Variants in SAMMSON observed in about 807,000 individuals in gnomAD.
SAMMSON encodes survival associated mitochondrial melanoma specific oncogenic non-coding RNA, also known as long intergenic non-protein coding RNA 1212.
chr3:70,228,572 A>G (rs913909493), intron 4 of SAMMSON, among the ~76,000 whole-genome samples: 11 of 151,642 alleles, frequency 7.3e-5, no homozygotes, highest in Non-Finnish European at 1.5e-4. Context: ...TAAGTAAATG[A>G]AAGGAAAATA....
chr3:70,126,195 T>G, intron 4 of SAMMSON: 6 of 1,110,668 alleles, frequency 5.4e-6, no homozygotes, highest in Non-Finnish European at 7.9e-6. Context: ...TAATTACATT[T>G]TCTACTGTTA....
intron 6 of SAMMSON, among the ~76,000 whole-genome samples, chr3:70,290,738 C>T (rs567865896): frequency 2.3e-4 from 35 of 152,274 alleles, no homozygotes; most frequent in Admixed American, 5.9e-4. Flanking sequence ...ACCCTCCGAG[C>T]CAGGTGCAGG....
intron 6 of SAMMSON, among the ~76,000 whole-genome samples, chr3:70,250,568 G>C (rs1701755462): frequency 6.6e-6 from 1 of 151,992 alleles, no homozygotes; most frequent in Non-Finnish European, 1.5e-5. Context: ...AAACTATTCG[G>C]GTGGAAAAAT....
intron 4 of SAMMSON, chr3:70,075,296 A>G (rs1021042488): frequency 6.6e-6 from 1 of 152,138 alleles, no homozygotes; most frequent in East Asian, 1.9e-4. Flanking sequence ...GTTTCTTAAA[A>G]TAGCAATGTT....
At chr3:70,147,826 T>G (rs966098865) in intron 4 of SAMMSON, among the ~76,000 whole-genome samples, 1 of 152,078 alleles carries the variant, frequency 6.6e-6, no homozygotes, top group Non-Finnish European at 1.5e-5. Context: ...TAAAATCTTA[T>G]GCTCTGCAAA....
chr3:70,037,651 C>G (rs2067091341), intron 3 of SAMMSON, among the ~76,000 whole-genome samples: 1 of 152,180 alleles, frequency 6.6e-6, no homozygotes, highest in African/African-American at 2.4e-5. Flanking sequence ...AACTTGAGTT[C>G]TGTTTCTGTC....
intron 9 of SAMMSON, among the ~76,000 whole-genome samples, chr3:70,361,041 A>G (rs1361867144): frequency 6.6e-6 from 1 of 152,130 alleles, no homozygotes; most frequent in African/African-American, 2.4e-5. Flanking sequence ...TCCCTGTATT[A>G]CAGATAAGAA....
intron 6 of SAMMSON, among the ~76,000 whole-genome samples, chr3:70,251,089 A>G (rs1326488369): frequency 6.6e-6 from 1 of 152,194 alleles, no homozygotes; most frequent in African/African-American, 2.4e-5. Context: ...CCAAACTCGT[A>G]ATACCCAGTG....
chr3:70,432,873 C>G (rs1048732845), intron 2 of SAMMSON, among the ~76,000 whole-genome samples: 1 of 152,014 alleles, frequency 6.6e-6, no homozygotes, highest in Admixed American at 6.6e-5. Context: ...GTCTCTGTAG[C>G]TTTTGCCTTT....
intron 4 of SAMMSON, among the ~76,000 whole-genome samples, chr3:70,240,302 T>C (rs1032704819): frequency 6.6e-6 from 1 of 152,000 alleles, no homozygotes. Flanking sequence ...AAAAAAACAG[T>C]AGCTAAGCCA....
At position 70,207,451 on chromosome 3, in the gene SAMMSON, A is replaced by G. The variant is rs139956938; in HGVS notation, n.508-41656A>G. On this transcript the variant is annotated intron_variant and non_coding_transcript_variant, in intron 4 of 9. Transcript: ENST00000642114. ...TCTGGCACAATAGCTAGAGATGTTC[A>G]GGGAATTTCTAGCGAAGTTCTTGAC... 7.9e-5 allele frequency among the ~76,000 whole-genome samples: 12 copies of G among 152,184 alleles called. No individual in the cohort carries two copies. The East Asian group carries it at 9.7e-4, about 12-fold the overall frequency.
At chr3:70,040,577 C>T (rs972456535) in intron 3 of SAMMSON, among the ~76,000 whole-genome samples, 4 of 152,076 alleles carry the variant, frequency 2.6e-5, no homozygotes, top group Admixed American at 2.0e-4. Flanking sequence ...GATCCTGCTC[C>T]GGGAATCTAA....
chr3:70,102,829 G>C (rs1056403636), intron 4 of SAMMSON, among the ~76,000 whole-genome samples: 2 of 152,060 alleles, frequency 1.3e-5, no homozygotes, highest in African/African-American at 2.4e-5. Context: ...TTGTTCCTTC[G>C]GCTTTGATTG....
At chr3:70,132,800 AC>A (rs1280080133) in intron 4 of SAMMSON, among the ~76,000 whole-genome samples, 1 of 151,462 alleles carries the variant, frequency 6.6e-6, no homozygotes, top group African/African-American at 2.4e-5. Context: ...GAAAAAAAAA[AC>A]AATTTATGAA....
downstream of SAMMSON, among the ~76,000 whole-genome samples, chr3:70,393,300 G>A (rs1701064744): frequency 6.6e-6 from 1 of 152,204 alleles, no homozygotes; most frequent in Non-Finnish European, 1.5e-5. Context: ...AAAACTCTAT[G>A]AGCCTCCATT....
chr3:70,031,922 A>C, intron 3 of SAMMSON, among the ~76,000 whole-genome samples: 1 of 152,200 alleles, frequency 6.6e-6, no homozygotes, highest in Non-Finnish European at 1.5e-5. Flanking sequence ...ACCTAAAATT[A>C]TCAAAAAGCA....
intron 4 of SAMMSON, among the ~76,000 whole-genome samples, chr3:70,246,991 A>C (rs1047742283): frequency 6.6e-6 from 1 of 152,064 alleles, no homozygotes; most frequent in African/African-American, 2.4e-5. Context: ...AGGGCATATC[A>C]TAATAATCAG....
downstream of SAMMSON, among the ~76,000 whole-genome samples, chr3:70,394,061 T>G (rs1701071637): frequency 6.6e-6 from 1 of 152,066 alleles, no homozygotes; most frequent in Non-Finnish European, 1.5e-5. Flanking sequence ...AGCAGTACAA[T>G]GGACAGGAAC....
intron 9 of SAMMSON, among the ~76,000 whole-genome samples, chr3:70,388,258 A>C (rs977602141): frequency 2.0e-5 from 3 of 152,138 alleles, no homozygotes; most frequent in African/African-American, 7.2e-5. Flanking sequence ...ATTAGAACAT[A>C]GGCTCCTTGG....
Sources: gnomAD v4.1 joint callset for allele counts (sites outside exome capture counted in the v4.1 genomes callset) on GRCh38, gnomAD v4.1.1 for gene constraint, MANE v1.5 for transcripts, NCBI Gene and HGNC (gene_info 2026-07-23, HGNC 2026-07-21) for gene names.